Variants in DAB1 observed in about 807,000 individuals in gnomAD.
DAB1 encodes disabled homolog 1.
A neutral mutation model predicts 64.6 loss-of-function variants in DAB1; 15 were observed. The observed-to-expected ratio is 0.23, with a 90% CI of 0.16 to 0.36. The LOEUF (loss-of-function observed/expected upper bound fraction) is 0.36, where lower values mean the gene tolerates loss of function less well. DAB1 is among the 10% of genes least tolerant of loss of function. DAB1 has a pLI of 1.00. For missense variants in DAB1, 596 were observed against 706.7 expected (o/e 0.84, Z 1.78); for synonymous variants, 235 against 251.9 (o/e 0.93, Z 0.64).
intron 7 of DAB1, among the ~76,000 whole-genome samples, chr1:57,435,873 A>G (rs566562528): frequency 6.7e-6 from 1 of 148,224 alleles, no homozygotes; most frequent in African/African-American, 2.5e-5. Flanking sequence ...ATTAAATATT[A>G]TGTGCTATAC....
intron 5 of DAB1, among the ~76,000 whole-genome samples, chr1:57,958,879 A>G (rs1645452071): frequency 6.6e-6 from 1 of 152,202 alleles, no homozygotes. Context: ...ATTAGAGACG[A>G]TTCTAATGAC....
At chr1:57,864,588 A>AT (rs1372319758) in intron 1 of DAB1, 2 of 152,004 alleles carry the variant, frequency 1.3e-5, no homozygotes, top group African/African-American at 4.8e-5. Context: ...CAGCAGTATG[A>AT]TTGGGGGTAA....
chr1:57,236,429 T>C (rs1470032327), intron 2 of DAB1, among the ~76,000 whole-genome samples: 1 of 152,054 alleles, frequency 6.6e-6, no homozygotes, highest in Non-Finnish European at 1.5e-5. Context: ...GGCCAACTTG[T>C]AGCAGACATT....
intron 3 of DAB1, among the ~76,000 whole-genome samples, chr1:58,344,975 C>T (rs746290398): frequency 2.0e-5 from 3 of 152,152 alleles, no homozygotes; most frequent in Non-Finnish European, 4.4e-5. Context: ...TTCTAACTGG[C>T]ATCCCAGCCT....
chr1:58,275,835 A>G (rs921309960), intron 4 of DAB1, among the ~76,000 whole-genome samples: 1 of 152,242 alleles, frequency 6.6e-6, no homozygotes, highest in African/African-American at 2.4e-5. Flanking sequence ...TATATCCAAA[A>G]GAATTGAAAG....
intron 2 of DAB1, among the ~76,000 whole-genome samples, chr1:57,196,637 G>A (rs530561843): frequency 3.9e-5 from 6 of 152,290 alleles, no homozygotes; most frequent in African/African-American, 1.4e-4. Context: ...TTTCAAAGGG[G>A]TCAACCACAC....
At chr1:57,877,458 C>T (rs1644065548) in intron 1 of DAB1, among the ~76,000 whole-genome samples, 1 of 152,048 alleles carries the variant, frequency 6.6e-6, no homozygotes, top group African/African-American at 2.4e-5. Context: ...ACCTGAAGCA[C>T]TTGGGATAAT....
intron 2 of DAB1, among the ~76,000 whole-genome samples, chr1:57,165,566 G>T (rs1661148926): frequency 6.6e-6 from 1 of 152,184 alleles, no homozygotes; most frequent in Non-Finnish European, 1.5e-5. Flanking sequence ...AACATCTATT[G>T]TGTTCCAGAT....
At chr1:58,100,529 T>C (rs1276149306) in intron 5 of DAB1, among the ~76,000 whole-genome samples, 2 of 152,214 alleles carry the variant, frequency 1.3e-5, no homozygotes, top group African/African-American at 4.8e-5. Context: ...TGAACATGTG[T>C]GTACGCATAT....
Position 57,944,039 on chromosome 1 carries a change from C to CT in DAB1, n.388-59878dup, listed in dbSNP as rs1222570696. Among the ~76,000 whole-genome samples the CT allele has an allele frequency of 2.0e-5, 3 of 152,288 alleles. No individual in the cohort carries two copies. The East Asian group carries it at 5.8e-4, about 29-fold the overall frequency. On this transcript the variant is annotated intron_variant and non_coding_transcript_variant, in intron 5 of 20. Transcript: ENST00000485760. ...CTCTCTAAAACACAAATTAACTGTG[C>CT]TAGACAAATGCTGTCCACCCTCACA...
At chr1:57,316,576 C>T (rs1675228463) in intron 1 of DAB1, among the ~76,000 whole-genome samples, 1 of 152,014 alleles carries the variant, frequency 6.6e-6, no homozygotes, top group Admixed American at 6.6e-5. Context: ...CTCAGCTGCC[C>T]ACAAGCTCTC....
intron 3 of DAB1, among the ~76,000 whole-genome samples, chr1:58,409,416 G>A (rs560020664): frequency 3.4e-4 from 52 of 152,148 alleles, no homozygotes; most frequent in Non-Finnish European, 7.1e-4. Flanking sequence ...CCCCCAGGAC[G>A]TTATGCAGAG....
At chr1:58,190,553 C>G (rs1013783941) in intron 4 of DAB1, among the ~76,000 whole-genome samples, 1 of 152,178 alleles carries the variant, frequency 6.6e-6, no homozygotes, top group Admixed American at 6.5e-5. Flanking sequence ...AAACAAACCA[C>G]TCCAACTAGA....
At chr1:57,710,545 T>C (rs975099120) in intron 6 of DAB1, among the ~76,000 whole-genome samples, 18 of 152,194 alleles carry the variant, frequency 1.2e-4, no homozygotes, top group Admixed American at 3.3e-4. Context: ...TTAGTCGGTT[T>C]TCCCAAAGTT....
chr1:57,636,096 C>CAA (rs61007751), intron 7 of DAB1, among the ~76,000 whole-genome samples: 882 of 64,882 alleles, frequency 0.014, 94 homozygotes, highest in Non-Finnish European at 0.019. Context: ...GACACGGTCT[C>CAA]AAAAAAAAAA....
Position 58,523,454 on chromosome 1 carries a change from C to T in DAB1, n.107+3807G>A, listed in dbSNP as rs367827305. Among the ~76,000 whole-genome samples, 5 of 152,050 alleles carry T rather than the reference C, an allele frequency of 3.3e-5. No homozygotes were observed. In the East Asian group the frequency reaches 9.6e-4, roughly 29 times the overall value. ...CAGTAACAACCTTTCCCTAAAGTAC[C>T]CTGTTGTACTGAGCCTTAAAGGTCC... On this transcript the variant is annotated intron_variant and non_coding_transcript_variant, in intron 2 of 20. Transcript: ENST00000485760.
chr1:58,426,677 G>A (rs534385757), intron 3 of DAB1, among the ~76,000 whole-genome samples: 1 of 152,330 alleles, frequency 6.6e-6, no homozygotes, highest in Non-Finnish European at 1.5e-5. Context: ...ACCAGAGAGA[G>A]ACAGAGAAAC....
chr1:58,528,158 A>G (rs575861807), intron 1 of DAB1, among the ~76,000 whole-genome samples: 3 of 152,356 alleles, frequency 2.0e-5, no homozygotes, highest in South Asian at 2.1e-4. Flanking sequence ...TTTTAGGTCA[A>G]TGATGTATAT....
chr1:57,362,527 T>C (rs1254881763), intron 1 of DAB1, among the ~76,000 whole-genome samples: 1 of 152,104 alleles, frequency 6.6e-6, no homozygotes, highest in Non-Finnish European at 1.5e-5. Flanking sequence ...AATGTGATGG[T>C]ATTAGGGAGG....
Sources: allele counts gnomAD v4.1 joint callset (sites outside exome capture counted in the v4.1 genomes callset), GRCh38; gene constraint gnomAD v4.1.1; transcripts MANE v1.5; gene names NCBI Gene and HGNC (gene_info 2026-07-23, HGNC 2026-07-21).